RYR3: variants seen among roughly 807,000 people sequenced by gnomAD.
RYR3 encodes the protein brain ryanodine receptor-calcium release channel.
Under a neutral mutation model 584.3 loss-of-function variants are expected in RYR3, and 207 were observed. That is an observed-to-expected ratio of 0.35 (90% confidence interval 0.32 to 0.40). The LOEUF (loss-of-function observed/expected upper bound fraction) is 0.40. Among genes scored for constraint, RYR3 ranks in the 10% least tolerant of loss-of-function variants. The pLI is 1.00. For synonymous variants in RYR3, 2,416 were observed against 2,248.5 expected (o/e 1.07, Z -2.11); for missense variants, 5,616 against 6,089.2 (o/e 0.92, Z 2.59).
At chr15:33,840,492 T>C in intron 89 of RYR3, 1 of 304,488 alleles carries the variant, frequency 3.3e-6, no homozygotes, top group Non-Finnish European at 6.1e-6. Flanking sequence ...TGATCAAACT[T>C]GGTTTGATCT....
chr15:33,470,182 G>A (rs909785692), intron 1 of RYR3, among the ~76,000 whole-genome samples: 2 of 152,152 alleles, frequency 1.3e-5, no homozygotes, highest in Admixed American at 6.5e-5. Context: ...CAGAGGCTGG[G>A]TTTGAAAGGT....
rs2058593833 is a variant in RYR3, at chr15:33,581,537, T to C, written c.1467T>C (p.Ile489=). Residue 489 remains isoleucine, a synonymous_variant, in exon 14 of 104, where the codon ATT becomes ATC. Transcript: ENST00000634891. ...EGMLALVLNC[I]DRLNVYNSVA... is the part of the protein sequence containing the mutation. ...TGTTGGCCCTTGTCTTAAATTGCAT[T>C]GACCGCTTAAATGTCTACAATAGCG... 1 of 1,613,750 alleles carries C rather than the reference T, an allele frequency of 6.2e-7. No individual in the cohort carries two copies. The highest frequency in any genetic ancestry group is 8.5e-7 in the Non-Finnish European group (1 of 1,179,648).
At chr15:33,505,686 G>C (rs1377359863) in intron 3 of RYR3, among the ~76,000 whole-genome samples, 1 of 152,084 alleles carries the variant, frequency 6.6e-6, no homozygotes, top group Non-Finnish European at 1.5e-5. Flanking sequence ...TAGAGATGGG[G>C]TTTCACCGTG....
At chr15:33,473,828 A>G (rs548710658) in intron 2 of RYR3, among the ~76,000 whole-genome samples, 6 of 151,934 alleles carry the variant, frequency 3.9e-5, no homozygotes, top group African/African-American at 1.4e-4. Flanking sequence ...AGGTCTTAAT[A>G]CTCCCAGAAT....
intron 99 of RYR3, among the ~76,000 whole-genome samples, chr15:33,858,446 A>C (rs887125189): frequency 6.6e-6 from 1 of 152,054 alleles, no homozygotes; most frequent in African/African-American, 2.4e-5. Context: ...ACCTCAGGTG[A>C]TCTGCCCACC....
intron 41 of RYR3, 42 bp downstream of exon 41, chr15:33,699,875 G>T (rs753796294): frequency 3.1e-6 from 5 of 1,594,514 alleles, no homozygotes; most frequent in Non-Finnish European, 3.4e-6. Flanking sequence ...AAACTCGAAG[G>T]TTACACTCCC....
chr15:33,558,103 GTTTT>G (rs1157936259), intron 10 of RYR3, among the ~76,000 whole-genome samples: 1 of 129,788 alleles, frequency 7.7e-6, no homozygotes, highest in Non-Finnish European at 1.8e-5. Context: ...AAATTTATTT[GTTTT>G]TTATTATACT....
chr15:33,680,788 C>G (rs993376883), intron 38 of RYR3, among the ~76,000 whole-genome samples: 1 of 152,198 alleles, frequency 6.6e-6, no homozygotes, highest in Non-Finnish European at 1.5e-5. Flanking sequence ...GAAGAAGAGA[C>G]AAACGGGTGC....
chr15:33,653,694 T>G (rs985110749), intron 32 of RYR3, among the ~76,000 whole-genome samples: 2 of 151,840 alleles, frequency 1.3e-5, no homozygotes, highest in African/African-American at 4.8e-5. Flanking sequence ...TACATTTATA[T>G]AAACAATGTG....
chr15:33,442,345 T>C (rs1243171090), intron 1 of RYR3, among the ~76,000 whole-genome samples: 2 of 152,234 alleles, frequency 1.3e-5, no homozygotes, highest in African/African-American at 2.4e-5. Flanking sequence ...TTTGATGTTC[T>C]CTGGGAACTA....
At chr15:33,485,616 A>C (rs879640739) in intron 2 of RYR3, among the ~76,000 whole-genome samples, 1 of 152,216 alleles carries the variant, frequency 6.6e-6, no homozygotes, top group Admixed American at 6.5e-5. Flanking sequence ...TTTGTGCAGA[A>C]AGTTTTGGAG....
At chr15:33,670,340 G>GT (rs1248167583) in intron 37 of RYR3, 79 bp from the exon 38 acceptor site, 13 of 1,490,874 alleles carry the variant, frequency 8.7e-6, no homozygotes, top group African/African-American at 5.5e-5. Flanking sequence ...ATGGGAAGCA[G>GT]TTTTTTAAAT....
At chr15:33,826,974 C>G (rs894946524) in intron 84 of RYR3, among the ~76,000 whole-genome samples, 5 of 152,320 alleles carry the variant, frequency 3.3e-5, no homozygotes, top group African/African-American at 7.2e-5. Context: ...ATACCCAGCC[C>G]TTTCCATCTA....
chr15:33,573,547 C>T (rs555934188), intron 12 of RYR3, among the ~76,000 whole-genome samples: 109 of 152,332 alleles, frequency 7.2e-4, no homozygotes, highest in Admixed American at 1.9e-3. Context: ...CTGAAAAACT[C>T]TGCTGAGGAA....
chr15:33,576,421 G>A (rs962286432), intron 12 of RYR3, among the ~76,000 whole-genome samples: 13 of 152,144 alleles, frequency 8.5e-5, no homozygotes, highest in African/African-American at 3.1e-4. Context: ...TATCTAGCAT[G>A]ATCAAGTTGG....
At chr15:33,789,616 G>C (rs1315247702) in intron 67 of RYR3, among the ~76,000 whole-genome samples, 1 of 56,698 alleles carries the variant, frequency 1.8e-5, no homozygotes, top group Non-Finnish European at 3.3e-5. Context: ...ATGTTACCAG[G>C]TTTTATTTTA....
chr15:33,785,807 C>G lies in RYR3; in HGVS notation c.9414C>G (p.Leu3138=), dbSNP rs1488628719. Residue 3138 remains leucine, a synonymous_variant, in exon 66 of 104, where the codon CTC becomes CTG. Transcript: ENST00000634891. ...PHVIEVILPM[L]CNYLSYWWER... ...TCATCGAGGTGATCTTACCCATGCTCTGCAACTACTTGTCCTACTGGTGGG... is the reference window on the plus strand; with the variant it reads ...TCATCGAGGTGATCTTACCCATGCTGTGCAACTACTTGTCCTACTGGTGGG... 3.1e-6 allele frequency: 5 copies of G among 1,613,864 alleles called. No individual in the cohort carries two copies. The highest frequency in any genetic ancestry group is 4.2e-6 in the Non-Finnish European group (5 of 1,179,904).
At chr15:33,828,515 A>T (rs2077492809) in intron 85 of RYR3, among the ~76,000 whole-genome samples, 1 of 152,250 alleles carries the variant, frequency 6.6e-6, no homozygotes, top group African/African-American at 2.4e-5. Context: ...CTCAGTGAGC[A>T]TATGAATGAT....
chr15:33,797,404 T>G (rs565434009), intron 67 of RYR3, among the ~76,000 whole-genome samples: 1 of 152,094 alleles, frequency 6.6e-6, no homozygotes, highest in African/African-American at 2.4e-5. Flanking sequence ...TTGCATTAAT[T>G]GGGGGCAGAG....
Sources: allele counts gnomAD v4.1 joint callset (sites outside exome capture counted in the v4.1 genomes callset), GRCh38; gene constraint gnomAD v4.1.1; transcripts MANE v1.5; gene names NCBI Gene and HGNC (gene_info 2026-07-23, HGNC 2026-07-21).